Variants in ARHGEF38 observed in about 807,000 individuals in gnomAD.
ARHGEF38 encodes Rho guanine nucleotide exchange factor (GEF) 38.
ARHGEF38 carries 79 observed loss-of-function variants against 79.9 expected under a neutral mutation model. The ratio of observed to expected loss-of-function variants is 0.99; its 90% CI spans 0.82 to 1.19. The LOEUF is 1.19. ARHGEF38 is among the 50% of genes most tolerant of loss of function. The pLI is 0.00. For missense variants in ARHGEF38, 962 were observed against 907.2 expected, an observed-to-expected ratio of 1.06 and a Z score of -0.78; for synonymous variants, 366 against 328.3, an observed-to-expected ratio of 1.11 and a Z score of -1.24.
intron 9 of ARHGEF38, among the ~76,000 whole-genome samples, chr4:105,658,630 G>A (rs973978023): frequency 1.3e-5 from 2 of 152,084 alleles, no homozygotes; most frequent in Non-Finnish European, 2.9e-5. Flanking sequence ...AGGTGGGAGC[G>A]ATATGGTGAA....
intron 9 of ARHGEF38, among the ~76,000 whole-genome samples, chr4:105,656,717 T>C (rs550080212): frequency 1.3e-5 from 2 of 152,278 alleles, no homozygotes; most frequent in Non-Finnish European, 2.9e-5. Context: ...CAAATCTTCA[T>C]GGAGTGGCCT....
Position 105,659,290 on chromosome 4 carries a change from C to T in ARHGEF38, c.1470C>T (p.Asn490=). Residue 490 remains asparagine, a synonymous_variant, in exon 10 of 14, where the codon AAC becomes AAT. Transcript: ENST00000420470. ...FNQAARKILL[N]CLCSFITLLR... ...AGGCTGCTCGGAAGATTCTGTTGAA[C>T]TGTCTATGCAGCTTCATTACCCTCC... 1 of 1,536,084 alleles carries T rather than the reference C, an allele frequency of 6.5e-7. No homozygotes were observed. The highest frequency in any genetic ancestry group is 1.7e-4 in the Middle Eastern group (1 of 5,968).
At chr4:105,633,664 G>T (rs532733181) in intron 4 of ARHGEF38, among the ~76,000 whole-genome samples, 6 of 152,230 alleles carry the variant, frequency 3.9e-5, no homozygotes, top group Admixed American at 2.6e-4. Flanking sequence ...AATTTAGGCT[G>T]CTTTTTAACC....
chr4:105,650,366 C>G (rs1380558990), intron 7 of ARHGEF38, among the ~76,000 whole-genome samples: 1 of 152,170 alleles, frequency 6.6e-6, no homozygotes, highest in Non-Finnish European at 1.5e-5. Flanking sequence ...ATAGCTCTAA[C>G]CACATCCTTA....
intron 7 of ARHGEF38, among the ~76,000 whole-genome samples, chr4:105,651,087 A>C (rs562996793): frequency 1.7e-4 from 26 of 152,338 alleles, no homozygotes; most frequent in Non-Finnish European, 2.6e-4. Flanking sequence ...GGCAGCCTCT[A>C]ATTCTGGGCT....
intron 4 of ARHGEF38, among the ~76,000 whole-genome samples, chr4:105,633,307 G>T (rs1729269732): frequency 6.6e-6 from 1 of 152,202 alleles, no homozygotes; most frequent in Non-Finnish European, 1.5e-5. Flanking sequence ...TCTGCCTGAA[G>T]GCTGAGGGCA....
intron 2 of ARHGEF38, among the ~76,000 whole-genome samples, chr4:105,599,050 A>T (rs1170802108): frequency 2.0e-5 from 3 of 152,240 alleles, no homozygotes; most frequent in East Asian, 1.9e-4. Flanking sequence ...AACCTGGAAA[A>T]CACATAGTTT....
chr4:105,660,415 C>T (rs1262728095), intron 10 of ARHGEF38, among the ~76,000 whole-genome samples: 1 of 151,074 alleles, frequency 6.6e-6, no homozygotes, highest in African/African-American at 2.4e-5. Flanking sequence ...TATAATAGTA[C>T]ATAAAGAGCT....
At chr4:105,655,767 G>T in intron 9 of ARHGEF38, 45 bp downstream of exon 9, 1 of 1,505,486 alleles carries the variant, frequency 6.6e-7, no homozygotes. Flanking sequence ...AAATAGTGAG[G>T]TTGAAAGGAA....
rs545244120 is a variant in ARHGEF38 at position 105,680,084 on chromosome 4, T to C, written c.*2147T>C. 7.9e-6 allele frequency: 6 copies of C among 762,608 alleles called. No individual in the cohort carries two copies. In the East Asian group the frequency reaches 1.3e-4, roughly 16 times the overall value. 47.2% of individuals were successfully genotyped at this position (762,608 alleles called of 1,614,324 possible). A position where few individuals can be genotyped will look rare whatever the true frequency, so the allele number is the denominator to read the frequency against. ...CCTCCCTTCAGATCCACTGTAGACT[T>C]GAAGGACATCTCATTTTCATCTGTG... On this transcript the variant is annotated 3_prime_UTR_variant, in exon 14 of 14. Transcript: ENST00000420470.
At chr4:105,666,896 T>G (rs980544591) in intron 11 of ARHGEF38, among the ~76,000 whole-genome samples, 1 of 152,202 alleles carries the variant, frequency 6.6e-6, no homozygotes. Context: ...CTTATTCTTG[T>G]TTTTTCTTCT....
chr4:105,680,726 A>G lies in ARHGEF38; in HGVS notation c.*2789A>G, dbSNP rs1168759388. On this transcript the variant is annotated 3_prime_UTR_variant, in exon 14 of 14. Coordinates refer to ENST00000420470, the MANE Select transcript of ARHGEF38 (RefSeq NM_001242729.2). ...ACCTAAATATACGTGTGCACACATT[A>G]TCTATACAAAGAGCCATACTCAGTG... 6.6e-6 allele frequency: 1 copy of G among 152,208 alleles called. No homozygotes were observed. Among genetic ancestry groups the G allele is most frequent in the Non-Finnish European group, 1.5e-5 (1 of 68,032 alleles). The allele number at this position is 152,208 out of a possible 1,614,324, so 9.4% of individuals were successfully genotyped here.
intron 5 of ARHGEF38, 78 bp from the exon 6 acceptor site, chr4:105,645,110 T>C: frequency 9.6e-7 from 1 of 1,045,640 alleles, no homozygotes; most frequent in South Asian, 3.4e-5. Flanking sequence ...TTAGAAGTAA[T>C]CATAAAAACA....
intron 1 of ARHGEF38, among the ~76,000 whole-genome samples, chr4:105,575,469 A>G (rs994001587): frequency 6.6e-6 from 1 of 152,050 alleles, no homozygotes; most frequent in Non-Finnish European, 1.5e-5. Flanking sequence ...AGAAACGTCT[A>G]TTTATGTCCT....
intron 13 of ARHGEF38, among the ~76,000 whole-genome samples, chr4:105,674,652 TA>T (rs754876315): frequency 9.9e-5 from 15 of 152,046 alleles, no homozygotes; most frequent in Non-Finnish European, 2.2e-4. Flanking sequence ...CCATTTAACA[TA>T]AATTATATAA....
Position 105,678,811 on chromosome 4 carries a change from T to C in ARHGEF38, c.*874T>C, listed in dbSNP as rs1410540079. On this transcript the variant is annotated 3_prime_UTR_variant, in exon 14 of 14. Coordinates refer to ENST00000420470, the MANE Select transcript of ARHGEF38 (RefSeq NM_001242729.2). Reference sequence around the variant, plus strand: ...AGCCAGGGCTTTTTTCTTTCTTTTCTTGTTGTTTTTTTTTTTTTTTAAAGA... The same window carrying C: ...AGCCAGGGCTTTTTTCTTTCTTTTCCTGTTGTTTTTTTTTTTTTTTAAAGA... 6.8e-6 allele frequency: 1 copy of C among 147,072 alleles called. No individual in the cohort carries two copies. 9.1% of individuals were successfully genotyped at this position (147,072 alleles called of 1,614,324 possible).
At chr4:105,611,120 T>C (rs1728276345) in intron 2 of ARHGEF38, among the ~76,000 whole-genome samples, 1 of 152,088 alleles carries the variant, frequency 6.6e-6, no homozygotes, top group Non-Finnish European at 1.5e-5. Flanking sequence ...TACAAAGAAG[T>C]TGGAGTCATG....
chr4:105,625,145 C>T (rs936828318), intron 3 of ARHGEF38, among the ~76,000 whole-genome samples: 1 of 152,164 alleles, frequency 6.6e-6, no homozygotes, highest in African/African-American at 2.4e-5. Context: ...TAGAATTGAA[C>T]TTACTGCATA....
chr4:105,589,763 T>G (rs1727235166), intron 2 of ARHGEF38, among the ~76,000 whole-genome samples: 1 of 152,132 alleles, frequency 6.6e-6, no homozygotes. Flanking sequence ...CCGGGTGCTG[T>G]GGCTCATGCC....
Sources: allele counts gnomAD v4.1 joint callset (sites outside exome capture counted in the v4.1 genomes callset), GRCh38; gene constraint gnomAD v4.1.1; transcripts MANE v1.5; gene names NCBI Gene and HGNC (gene_info 2026-07-23, HGNC 2026-07-21).